SPECC1: variants seen among roughly 807,000 people sequenced by gnomAD.
The protein encoded by SPECC1 is sperm antigen with calponin homology and coiled-coil domains 1.
Under a neutral mutation model 104.1 loss-of-function variants are expected in SPECC1, and 62 were observed. That is an observed-to-expected ratio of 0.60 (90% CI 0.49 to 0.74). The LOEUF is 0.74. Among genes scored for constraint, SPECC1 ranks in the 30% least tolerant of loss-of-function variants. The pLI, the probability that SPECC1 is intolerant of heterozygous loss-of-function variation, is 0.00. For synonymous variants in SPECC1, 513 were observed against 501.6 expected, an observed-to-expected ratio of 1.02 and a Z score of -0.30; for missense variants, 1,306 against 1,310.5, an observed-to-expected ratio of 1.00 and a Z score of 0.05.
At chr17:20,233,365 A>G (rs1480790911) in intron 7 of SPECC1, among the ~76,000 whole-genome samples, 1 of 152,182 alleles carries the variant, frequency 6.6e-6, no homozygotes, top group African/African-American at 2.4e-5. Flanking sequence ...GACATTGGAA[A>G]GAGGAGATTT....
intron 1 of SPECC1, among the ~76,000 whole-genome samples, chr17:20,047,684 G>A (rs745838309): frequency 6.5e-4 from 98 of 151,542 alleles, no homozygotes; most frequent in East Asian, 3.9e-4. Context: ...TGCAAGCTCC[G>A]TCTCCCAGGT....
chr17:20,122,027 C>T (rs903206987), intron 3 of SPECC1, among the ~76,000 whole-genome samples: 1 of 152,152 alleles, frequency 6.6e-6, no homozygotes, highest in Admixed American at 6.5e-5. Context: ...ATGAGCAAGA[C>T]GTGGGAGAGA....
intron 3 of SPECC1, among the ~76,000 whole-genome samples, chr17:20,179,998 C>T (rs2034757425): frequency 6.6e-6 from 1 of 152,132 alleles, no homozygotes; most frequent in Non-Finnish European, 1.5e-5. Context: ...TAAAATTCCT[C>T]TAAAAATTTC....
chr17:20,069,904 T>C (rs752807614), intron 1 of SPECC1, among the ~76,000 whole-genome samples: 3 of 152,128 alleles, frequency 2.0e-5, no homozygotes, highest in Non-Finnish European at 2.9e-5. Flanking sequence ...TTTCTGAGTA[T>C]ATTTGGATTA....
chr17:20,177,834 C>T (rs923405466), intron 3 of SPECC1, among the ~76,000 whole-genome samples: 11 of 152,046 alleles, frequency 7.2e-5, no homozygotes, highest in Admixed American at 6.6e-4. Flanking sequence ...CTCAGCCTCC[C>T]GAGTAGCTGG....
At chr17:20,275,604 G>C (rs1293761303) in intron 12 of SPECC1, among the ~76,000 whole-genome samples, 1 of 152,188 alleles carries the variant, frequency 6.6e-6, no homozygotes, top group Non-Finnish European at 1.5e-5. Flanking sequence ...TTAAGCTTCA[G>C]ACAATTTTTG....
chr17:20,040,162 TATACACACAC>T (rs1241436614), intron 1 of SPECC1, among the ~76,000 whole-genome samples: 3 of 151,970 alleles, frequency 2.0e-5, no homozygotes, highest in Non-Finnish European at 4.4e-5. Context: ...TATATATATA[TATACACACAC>T]ATATACACAC....
chr17:20,290,208 G>A (rs1481769566), intron 12 of SPECC1: 1 of 152,108 alleles, frequency 6.6e-6, no homozygotes, highest in Middle Eastern at 3.2e-3. Flanking sequence ...GATCTTGCCA[G>A]ACTTTAGTCT....
At chr17:20,104,409 T>C (rs2048087417) in intron 2 of SPECC1, among the ~76,000 whole-genome samples, 1 of 152,090 alleles carries the variant, frequency 6.6e-6, no homozygotes, top group Non-Finnish European at 1.5e-5. Flanking sequence ...CTCATAGCAA[T>C]GAGGACATAA....
At chr17:20,125,332 A>G (rs562462128) in intron 3 of SPECC1, among the ~76,000 whole-genome samples, 1 of 150,682 alleles carries the variant, frequency 6.6e-6, no homozygotes, top group African/African-American at 2.5e-5. Flanking sequence ...CCTTAAGGTC[A>G]AAAAGGGTAA....
At chr17:20,082,957 T>TGTTC (rs5819696) in intron 1 of SPECC1, among the ~76,000 whole-genome samples, 7,094 of 147,694 alleles carry the variant, frequency 0.048, 186 homozygotes, top group Middle Eastern at 0.095. Flanking sequence ...TGTCCTTTGG[T>TGTTC]GTTCGTTCGT....
intron 12 of SPECC1, among the ~76,000 whole-genome samples, chr17:20,287,340 C>T (rs4925099): frequency 0.063 from 9,380 of 148,798 alleles, 355 homozygotes; most frequent in Middle Eastern, 0.1. Context: ...TGGCGTGAAC[C>T]CGGGAAGCGG....
At chr17:20,068,182 A>G (rs1026572382) in intron 1 of SPECC1, among the ~76,000 whole-genome samples, 13 of 152,076 alleles carry the variant, frequency 8.5e-5, no homozygotes, top group Non-Finnish European at 1.5e-4. Flanking sequence ...GCTGGTTTCA[A>G]ACTTCTGGGC....
At chr17:20,189,545 A>G (rs971986234) in intron 3 of SPECC1, among the ~76,000 whole-genome samples, 1 of 152,140 alleles carries the variant, frequency 6.6e-6, no homozygotes, top group African/African-American at 2.4e-5. Flanking sequence ...TAGTCAGACC[A>G]TACCATTATC....
intron 14 of SPECC1, among the ~76,000 whole-genome samples, chr17:20,306,617 TAAGG>T (rs2041773497): frequency 6.6e-6 from 1 of 152,084 alleles, no homozygotes. Context: ...AGGGAGGTGA[TAAGG>T]AAGCTGGTTT....
intron 1 of SPECC1, among the ~76,000 whole-genome samples, chr17:20,076,865 G>T (rs535771849): frequency 6.6e-6 from 1 of 150,962 alleles, no homozygotes; most frequent in Non-Finnish European, 1.5e-5. Context: ...AGAACCAGCC[G>T]ACAGTATCAC....
intron 14 of SPECC1, among the ~76,000 whole-genome samples, chr17:20,309,484 A>G (rs954353377): frequency 1.8e-4 from 28 of 152,206 alleles, no homozygotes; most frequent in Non-Finnish European, 5.9e-5. Context: ...GGTTTGGGAT[A>G]TGAGTGATCC....
intron 1 of SPECC1, among the ~76,000 whole-genome samples, chr17:20,016,440 C>T (rs1311888869): frequency 6.6e-6 from 1 of 152,128 alleles, no homozygotes; most frequent in Non-Finnish European, 1.5e-5. Flanking sequence ...GAGCCAGCTC[C>T]CTCAGCTTTG....
At chr17:20,258,083 T>C (rs1276740960) in intron 11 of SPECC1, among the ~76,000 whole-genome samples, 3 of 152,194 alleles carry the variant, frequency 2.0e-5, no homozygotes, top group Non-Finnish European at 4.4e-5. Context: ...GAGGGCATAT[T>C]GTAAGTAGTC....
Sources: gnomAD v4.1 joint callset for allele counts (sites outside exome capture counted in the v4.1 genomes callset) on GRCh38, gnomAD v4.1.1 for gene constraint, MANE v1.5 for transcripts, NCBI Gene and HGNC (gene_info 2026-07-23, HGNC 2026-07-21) for gene names.